Variants in PFKP observed in about 807,000 individuals in gnomAD.
The protein encoded by PFKP is phosphofructokinase, platelet, also known as ATP-dependent 6-phosphofructokinase, platelet type.
A neutral mutation model predicts 94.3 loss-of-function variants in PFKP; 101 were observed. The observed-to-expected ratio is 1.07, with a 90% confidence interval of 0.91 to 1.26. The LOEUF is 1.26. Among genes scored for constraint, PFKP ranks in the 50% most tolerant of loss-of-function variants. The pLI is 0.00. For missense variants in PFKP, 1,145 were observed against 1,103.3 expected, an observed-to-expected ratio of 1.04 and a Z score of -0.53; for synonymous variants, 573 against 432.6, an observed-to-expected ratio of 1.32 and a Z score of -4.03.
intron 19 of PFKP, among the ~76,000 whole-genome samples, chr10:3,134,143 T>C (rs1003815709): frequency 1.5e-4 from 23 of 152,216 alleles, no homozygotes; most frequent in African/African-American, 4.8e-4. Flanking sequence ...ATATGTGTGA[T>C]CTTCTTAAAG....
intron 13 of PFKP, 94 bp downstream of exon 13, chr10:3,113,612 C>T (rs1046976708): frequency 8.1e-6 from 8 of 989,004 alleles, no homozygotes; most frequent in African/African-American, 1.6e-5. Context: ...GCCCTCATAC[C>T]TTTTCATGCC....
At chr10:3,100,969 G>T (rs151286694) in intron 3 of PFKP, 3 of 1,611,528 alleles carry the variant, frequency 1.9e-6, no homozygotes, top group Non-Finnish European at 2.5e-6. Context: ...TGGTCACACC[G>T]CTTCCCTTGT....
intron 2 of PFKP, among the ~76,000 whole-genome samples, chr10:3,084,443 C>A (rs1288135099): frequency 6.6e-6 from 1 of 151,936 alleles, no homozygotes. Flanking sequence ...TTTTTTTGTT[C>A]GTGTCATTGT....
intron 16 of PFKP, among the ~76,000 whole-genome samples, chr10:3,120,784 C>T (rs7072300): frequency 0.45 from 69,020 of 151,852 alleles, 15,617 homozygotes; most frequent in East Asian, 0.48. Flanking sequence ...CTCAGCCTCC[C>T]GAGTACCTGG....
At chr10:3,068,648 G>T (rs1013723392) in intron 1 of PFKP, 10 of 985,058 alleles carry the variant, frequency 1.0e-5, no homozygotes, top group Non-Finnish European at 1.2e-5. Flanking sequence ...AAGAGCGGAA[G>T]GTGGCGGAGA....
chr10:3,105,268 A>AGG, intron 6 of PFKP, 109 bp downstream of exon 6: 1 of 1,324,678 alleles, frequency 7.5e-7, no homozygotes, highest in Non-Finnish European at 1.1e-6. Context: ...AAAGTCCTGA[A>AGG]GGGGCCGGCA....
intron 1 of PFKP, chr10:3,069,280 G>T (rs923179095): frequency 3.6e-5 from 55 of 1,506,866 alleles, no homozygotes; most frequent in Admixed American, 8.1e-5. Flanking sequence ...GCAGGGCTGG[G>T]TTCTCAGAGA....
chr10:3,111,020 ATG>A (rs1201962782), intron 10 of PFKP, among the ~76,000 whole-genome samples: 1 of 150,794 alleles, frequency 6.6e-6, no homozygotes, highest in African/African-American at 2.5e-5. Context: ...ATGTTTCTGC[ATG>A]TTAGTGTGTG....
intron 2 of PFKP, among the ~76,000 whole-genome samples, chr10:3,091,226 C>T: frequency 6.6e-6 from 1 of 152,092 alleles, no homozygotes; most frequent in East Asian, 1.9e-4. Flanking sequence ...TTCTCTTAAG[C>T]TAAGGTTTTT....
chr10:3,077,272 T>TTTC (rs1208418124), intron 1 of PFKP, among the ~76,000 whole-genome samples: 3 of 134,168 alleles, frequency 2.2e-5, no homozygotes, highest in Non-Finnish European at 4.8e-5. Context: ...TTTTTTTTTT[T>TTTC]TTTTTTTTGA....
chr10:3,135,815 G>A lies in PFKP; in HGVS notation c.2202G>A (p.Glu734=). ...KRNVIFQPVA[E]LKKQTDFEHR... ...ACGTTATTTTTCAACCTGTGGCAGA[G>A]CTGAAGAAGCAAACGGATTTTGAGT... The change falls in exon 21 of 22, where the codon GAG becomes GAA. Residue 734 remains glutamate (E), a synonymous_variant. Transcript: ENST00000381125. The A allele has an allele frequency of 6.2e-7, 1 of 1,612,774 alleles. No individual in the cohort carries two copies. Among genetic ancestry groups the A allele is most frequent in the Non-Finnish European group, 8.5e-7 (1 of 1,178,776 alleles).
chr10:3,112,268 C>T lies in PFKP; in HGVS notation c.1136C>T (p.Ala379Val), dbSNP rs150500285. 15 of 1,613,284 alleles carry T rather than the reference C, an allele frequency of 9.3e-6. No homozygotes were observed. Among genetic ancestry groups the T allele is most frequent in the African/African-American group, 4.0e-5 (3 of 74,908 alleles). Reference sequence around the variant, plus strand: ...ATGGACGAGAGGAGATTTCAAGATGCGGTTCGACTCCGAGGGAGGTGAGGT... The same window carrying T: ...ATGGACGAGAGGAGATTTCAAGATGTGGTTCGACTCCGAGGGAGGTGAGGT... ...KAMDERRFQDAVRLRGRSFAG... is the reference protein window; with the variant it reads ...KAMDERRFQDVVRLRGRSFAG... The change falls in exon 11 of 22, where the codon GCG becomes GTG. Residue 379 changes from alanine to valine, a missense_variant. Physicochemically the swap from Ala to Val is moderately conservative, Grantham distance 64. This residue lies in a region of PFKP where 1,119 missense variants were observed against 1,062.8 expected (regional missense o/e 1.05). Transcript: ENST00000381125.
intron 4 of PFKP, among the ~76,000 whole-genome samples, chr10:3,103,409 G>C (rs142578920): frequency 0.016 from 2,505 of 152,276 alleles, 30 homozygotes; most frequent in Middle Eastern, 0.034. Context: ...CACTTTGGAA[G>C]GCCAAGGCAG....
intron 10 of PFKP, among the ~76,000 whole-genome samples, chr10:3,110,414 C>T (rs1447952037): frequency 3.7e-5 from 4 of 108,062 alleles, no homozygotes; most frequent in African/African-American, 1.4e-4. Context: ...GGTGGGGTTT[C>T]ACCGTGTTAG....
intron 2 of PFKP, among the ~76,000 whole-genome samples, chr10:3,098,896 T>G (rs1003538465): frequency 9.8e-5 from 15 of 152,310 alleles, no homozygotes; most frequent in African/African-American, 3.6e-4. Context: ...GTATGTCCCG[T>G]GCTCGACAGT....
chr10:3,077,442 A>AT (rs1366255622), intron 1 of PFKP, among the ~76,000 whole-genome samples: 2 of 147,260 alleles, frequency 1.4e-5, no homozygotes, highest in South Asian at 2.2e-4. Flanking sequence ...TTTTTTTTGT[A>AT]TTTTTAGTAG....
chr10:3,115,859 G>C (rs1836785906), intron 13 of PFKP, among the ~76,000 whole-genome samples: 1 of 152,080 alleles, frequency 6.6e-6, no homozygotes, highest in Non-Finnish European at 1.5e-5. Flanking sequence ...AGAGAGGTGG[G>C]GTGGAGATGC....
chr10:3,077,409 T>C (rs560769071), intron 1 of PFKP, among the ~76,000 whole-genome samples: 37 of 151,364 alleles, frequency 2.4e-4, no homozygotes, highest in Admixed American at 5.3e-4. Context: ...CTGCAGGCGC[T>C]CACCACCATG....
At chr10:3,105,364 G>A (rs765016142) in intron 6 of PFKP, 29 bp from the exon 7 acceptor site, 16 of 1,561,502 alleles carry the variant, frequency 1.0e-5, no homozygotes, top group Non-Finnish European at 1.3e-5. Context: ...TCCTTCTGGG[G>A]TGTTGATGCT....
Sources: allele counts gnomAD v4.1 joint callset (sites outside exome capture counted in the v4.1 genomes callset), GRCh38; gene constraint gnomAD v4.1.1; regional missense constraint gnomAD v4.1.1; transcripts MANE v1.5; gene names NCBI Gene and HGNC (gene_info 2026-07-23, HGNC 2026-07-21).